SDC4: variants seen among roughly 807,000 people sequenced by gnomAD.
SDC4 encodes the protein syndecan 4.
Under a neutral mutation model 20.5 loss-of-function variants are expected in SDC4, and 17 were observed. That is an observed-to-expected ratio of 0.83 (90% confidence interval 0.57 to 1.25). The LOEUF (loss-of-function observed/expected upper bound fraction) is 1.25, where lower values mean the gene tolerates loss of function less well. Ranked by LOEUF, SDC4 falls within the 50% of genes most tolerant of loss-of-function variation. The pLI is 0.00. For missense variants in SDC4, 241 were observed against 252.3 expected (o/e 0.96, Z 0.30); for synonymous variants, 107 against 105.3 (o/e 1.02, Z -0.10).
chr20:45,338,554 T>G (rs754061038), intron 1 of SDC4, among the ~76,000 whole-genome samples: 4 of 152,172 alleles, frequency 2.6e-5, no homozygotes, highest in Admixed American at 2.6e-4. Context: ...TCTTTCAGTA[T>G]GTGAAAGTGC....
chr20:45,336,343 G>A (rs1987867569), intron 1 of SDC4, among the ~76,000 whole-genome samples: 1 of 152,218 alleles, frequency 6.6e-6, no homozygotes, highest in African/African-American at 2.4e-5. Flanking sequence ...AACCCGGGAG[G>A]CGGAGGTTGC....
chr20:45,330,519 G>A lies in SDC4; in HGVS notation c.292C>T (p.Gln98Ter). 2.5e-6 allele frequency: 4 copies of A among 1,614,130 alleles called. No individual in the cohort carries two copies. The highest frequency in any genetic ancestry group is 3.4e-6 in the Non-Finnish European group (4 of 1,180,022). The change falls in exon 4 of 5, where the codon CAA (glutamine) becomes TAA (stop). Residue 98 changes from glutamine (Q) to a stop codon, truncating the protein, a stop_gained. Transcript: ENST00000372733. LOFTEE classifies it high-confidence loss of function. ...AGTTTCTTGGGTTCGGTGGGGACTT[G>A]GCTCCCAGACCCTGCCCTCTCAGGG... ...HIPERAGSGS[Q>*]VPTEPKKLEE...
At chr20:45,343,746 G>A (rs1987990005) in intron 1 of SDC4, among the ~76,000 whole-genome samples, 1 of 152,208 alleles carries the variant, frequency 6.6e-6, no homozygotes, top group Non-Finnish European at 1.5e-5. Context: ...TTCAGAGATA[G>A]GACCCCCTGG....
intron 1 of SDC4, chr20:45,345,018 C>T (rs944961880): frequency 6.6e-6 from 1 of 152,132 alleles, no homozygotes; most frequent in Non-Finnish European, 1.5e-5. Flanking sequence ...TGCATTGTTC[C>T]GAGCATCAAT....
chr20:45,335,725 T>G (rs1600730931), intron 2 of SDC4, 57 bp downstream of exon 2: 1 of 1,573,520 alleles, frequency 6.4e-7, no homozygotes, highest in South Asian at 1.1e-5. Flanking sequence ...TCCTGGCTGG[T>G]GAAGCCACCA....
chr20:45,347,976 G>A (rs959432293), intron 1 of SDC4, among the ~76,000 whole-genome samples: 1 of 152,086 alleles, frequency 6.6e-6, no homozygotes, highest in Non-Finnish European at 1.5e-5. Context: ...GCGAGGAGGG[G>A]ATTCAGCGCT....
At chr20:45,335,184 C>CT (rs1164166662) in intron 2 of SDC4, among the ~76,000 whole-genome samples, 1 of 149,478 alleles carries the variant, frequency 6.7e-6, no homozygotes, top group Non-Finnish European at 1.5e-5. Context: ...GCTACTTTTC[C>CT]TTTTTTGTTT....
At chr20:45,341,302 A>G (rs1240013120) in intron 1 of SDC4, among the ~76,000 whole-genome samples, 2 of 152,164 alleles carry the variant, frequency 1.3e-5, no homozygotes. Flanking sequence ...GCAAACTGTA[A>G]AGGAATATAA....
At chr20:45,348,225 C>CA in intron 1 of SDC4, 100 bp downstream of exon 1, 1 of 1,054,974 alleles carries the variant, frequency 9.5e-7, no homozygotes, top group Non-Finnish European at 1.4e-6. Context: ...GGGTAGCGTA[C>CA]CCCCGATCTG....
chr20:45,336,643 T>C (rs1241797788), intron 1 of SDC4, among the ~76,000 whole-genome samples: 2 of 151,820 alleles, frequency 1.3e-5, no homozygotes, highest in African/African-American at 2.4e-5. Flanking sequence ...GGAGTCTCCA[T>C]GCACAGGGCC....
At chr20:45,339,489 G>A (rs1987923696) in intron 1 of SDC4, among the ~76,000 whole-genome samples, 1 of 152,214 alleles carries the variant, frequency 6.6e-6, no homozygotes, top group South Asian at 2.1e-4. Context: ...AGGCACAGTG[G>A]CTTAATCCCA....
Position 45,330,363 on chromosome 20 carries a change from T to C in SDC4, c.445+3A>G. Reference sequence around the variant, plus strand: ...GCATCTTATAAGCAGCATGGGGACTTACCTGCCAGGACCTCCGTTCTCTCA... The same window carrying C: ...GCATCTTATAAGCAGCATGGGGACTCACCTGCCAGGACCTCCGTTCTCTCA... On this transcript the variant is annotated splice_donor_region_variant and intron_variant, in intron 4 of 4. Coordinates refer to ENST00000372733, the MANE Select transcript of SDC4 (RefSeq NM_002999.4). The C allele has an allele frequency of 1.2e-6, 2 of 1,613,740 alleles. No homozygotes were observed. The highest frequency in any genetic ancestry group is 1.7e-6 in the Non-Finnish European group (2 of 1,179,960).
chr20:45,327,546 C>A (rs944402424), intron 4 of SDC4, 131 bp from the exon 5 acceptor site: 21 of 1,043,844 alleles, frequency 2.0e-5, no homozygotes, highest in South Asian at 3.6e-5. Flanking sequence ...CTGTGCCAGG[C>A]AAGCTGATGC....
chr20:45,335,473 ACCCTCACCCCACCCCCACCATG>A (rs1182203368), intron 2 of SDC4, among the ~76,000 whole-genome samples: 3 of 148,530 alleles, frequency 2.0e-5, no homozygotes, highest in Non-Finnish European at 3.0e-5. Flanking sequence ...CACCCATCCT[ACCCTCACCCCACCCCCACCATG>A]CCCTGCAGAA....
rs981117083 is a variant in SDC4, at chr20:45,325,319, A to C, written c.*1945T>G. ...AAGTACCAGGTTTTATTATCTTTTT[A>C]TCAAAAAAAATCAGTAACAGACAAC... On this transcript the variant is annotated 3_prime_UTR_variant, in exon 5 of 5. Coordinates refer to ENST00000372733, the MANE Select transcript of SDC4 (RefSeq NM_002999.4). 1.3e-5 allele frequency: 2 copies of C among 152,674 alleles called. No homozygotes were observed. The highest frequency in any genetic ancestry group is 4.8e-5 in the African/African-American group (2 of 41,458). 9.5% of individuals were successfully genotyped at this position (152,674 alleles called of 1,614,324 possible).
Position 45,333,356 on chromosome 20 carries a change from C to T in SDC4, c.200-287G>A, listed in dbSNP as rs547072405. On this transcript the variant is annotated intron_variant, in intron 2 of 4. Coordinates refer to ENST00000372733, the MANE Select transcript of SDC4 (RefSeq NM_002999.4). ...TGGATCCAAAAACCAATAGCAACACCTGAGAGCTGGTTAGAAATGTAGAAT... is the reference window on the plus strand; with the variant it reads ...TGGATCCAAAAACCAATAGCAACACTTGAGAGCTGGTTAGAAATGTAGAAT... Among the ~76,000 whole-genome samples, 198 of 152,272 alleles carry T rather than the reference C, an allele frequency of 1.3e-3. 3 individuals carry two copies. The South Asian group carries it at 0.016, about 13-fold the overall frequency.
At chr20:45,345,830 T>C (rs571345736) in intron 1 of SDC4, 2 of 152,156 alleles carry the variant, frequency 1.3e-5, no homozygotes, top group Non-Finnish European at 1.5e-5. Flanking sequence ...ACTGGTTTAG[T>C]ATAGCAAGCC....
intron 1 of SDC4, among the ~76,000 whole-genome samples, chr20:45,337,046 C>T (rs1273649151): frequency 6.6e-6 from 1 of 152,146 alleles, no homozygotes; most frequent in East Asian, 1.9e-4. Context: ...TCCACTCCCA[C>T]CAAACCGCTT....
In SDC4 at chr20:45,326,201, G is replaced by T. The variant is rs1987684172; in HGVS notation, c.*1063C>A. ...CACCATCCCCTTCATTATATTTTGGGATCTGCTAAAAAAAAACTATGTTTC... is the reference window on the plus strand; with the variant it reads ...CACCATCCCCTTCATTATATTTTGGTATCTGCTAAAAAAAAACTATGTTTC... On this transcript the variant is annotated 3_prime_UTR_variant, in exon 5 of 5. Coordinates refer to ENST00000372733, the MANE Select transcript of SDC4 (RefSeq NM_002999.4). The T allele has an allele frequency of 6.6e-6, 1 of 151,582 alleles. No individual in the cohort carries two copies. Among genetic ancestry groups the T allele is most frequent in the South Asian group, 2.1e-4 (1 of 4,814 alleles). 9.4% of individuals were successfully genotyped at this position (151,582 alleles called of 1,614,324 possible). A position where few individuals can be genotyped will look rare whatever the true frequency, so the allele number is the denominator to read the frequency against.
Sources: gnomAD v4.1 joint callset for allele counts (sites outside exome capture counted in the v4.1 genomes callset) on GRCh38, gnomAD v4.1.1 for gene constraint, MANE v1.5 for transcripts, NCBI Gene and HGNC (gene_info 2026-07-23, HGNC 2026-07-21) for gene names.